The following TMPRSS11F variants were observed in gnomAD, a reference collection of about 807,000 sequenced individuals.
TMPRSS11F encodes transmembrane protease serine 11F.
A neutral mutation model predicts 60.2 loss-of-function variants in TMPRSS11F; 47 were observed. That is an observed-to-expected ratio of 0.78 (90% confidence interval 0.62 to 1.00). The LOEUF is 1.00. Ranked by LOEUF, TMPRSS11F falls within the 50% of genes least tolerant of loss-of-function variation. The pLI, the probability that TMPRSS11F is intolerant of heterozygous loss-of-function variation, is 0.00. For synonymous variants in TMPRSS11F, 166 were observed against 167.3 expected (o/e 0.99, Z 0.06); for missense variants, 519 against 522.9 (o/e 0.99, Z 0.07).
chr4:68,070,526 T>C (rs1723435290), intron 5 of TMPRSS11F, among the ~76,000 whole-genome samples: 2 of 152,222 alleles, frequency 1.3e-5, no homozygotes, highest in African/African-American at 4.8e-5. Flanking sequence ...TTGATAACCT[T>C]GTCTCCCTGA....
chr4:68,100,523 T>G (rs1054075907), intron 1 of TMPRSS11F, among the ~76,000 whole-genome samples: 1 of 152,118 alleles, frequency 6.6e-6, no homozygotes, highest in African/African-American at 2.4e-5. Flanking sequence ...GTTCTTGAAC[T>G]TTGTTGAATG....
At position 68,085,570 on chromosome 4, in the gene TMPRSS11F, T is replaced by C. The variant is rs116117797; in HGVS notation, c.282+4953A>G. On this transcript the variant is annotated intron_variant, in intron 3 of 9. Transcript: ENST00000356291. Reference sequence around the variant, plus strand: ...CATGACAGGAACAAAATATCATATATCAACACTAACTTAAATGTCAATGGT... The same window carrying C: ...CATGACAGGAACAAAATATCATATACCAACACTAACTTAAATGTCAATGGT... Among the ~76,000 whole-genome samples the C allele has an allele frequency of 5.0e-3, 755 of 152,206 alleles. 7 individuals are homozygous for C. The highest frequency in any genetic ancestry group is 0.018 in the African/African-American group (735 of 41,536).
chr4:68,061,765 T>C, intron 8 of TMPRSS11F: 1 of 438,108 alleles, frequency 2.3e-6, no homozygotes, highest in Non-Finnish European at 4.6e-6. Flanking sequence ...AATACAAGAA[T>C]ACAGGAAGTG....
intron 2 of TMPRSS11F, among the ~76,000 whole-genome samples, chr4:68,094,529 C>T (rs1049306528): frequency 1.4e-5 from 2 of 146,346 alleles, no homozygotes; most frequent in Non-Finnish European, 3.0e-5. Flanking sequence ...TGAACATGTA[C>T]CCTAAAACTT....
intron 7 of TMPRSS11F, among the ~76,000 whole-genome samples, chr4:68,065,464 C>T (rs761790082): frequency 3.9e-5 from 6 of 152,204 alleles, no homozygotes; most frequent in Admixed American, 2.0e-4. Context: ...CTAATCCTAA[C>T]TCAAAGTCAG....
At chr4:68,123,438 G>A (rs967253242) in intron 1 of TMPRSS11F, among the ~76,000 whole-genome samples, 1 of 152,166 alleles carries the variant, frequency 6.6e-6, no homozygotes, top group African/African-American at 2.4e-5. Flanking sequence ...GAAGGTACTC[G>A]TCTCAACCAT....
chr4:68,059,993 C>T (rs1339022273), intron 8 of TMPRSS11F, among the ~76,000 whole-genome samples: 1 of 152,082 alleles, frequency 6.6e-6, no homozygotes, highest in Non-Finnish European at 1.5e-5. Flanking sequence ...GATGACAACA[C>T]AGAACAGGGC....
chr4:68,118,969 G>A (rs2109887212), intron 1 of TMPRSS11F, among the ~76,000 whole-genome samples: 1 of 152,280 alleles, frequency 6.6e-6, no homozygotes, highest in East Asian at 1.9e-4. Context: ...AAGACAGGCT[G>A]AAAGCTAGGC....
intron 3 of TMPRSS11F, among the ~76,000 whole-genome samples, chr4:68,079,076 T>G (rs1250970816): frequency 1.3e-5 from 1 of 75,892 alleles, no homozygotes; most frequent in Non-Finnish European, 4.1e-5. Context: ...TCTGGTATAG[T>G]ACAATACTGG....
intron 1 of TMPRSS11F, among the ~76,000 whole-genome samples, chr4:68,124,818 C>A (rs1724685685): frequency 6.6e-6 from 1 of 152,010 alleles, no homozygotes; most frequent in Non-Finnish European, 1.5e-5. Context: ...CACTCCGTTT[C>A]GCACTGAGTT....
At chr4:68,107,744 C>T (rs1462376439) in intron 1 of TMPRSS11F, among the ~76,000 whole-genome samples, 3 of 152,148 alleles carry the variant, frequency 2.0e-5, no homozygotes, top group Non-Finnish European at 4.4e-5. Context: ...CAAGACCATC[C>T]TGGCCAACAT....
intron 1 of TMPRSS11F, among the ~76,000 whole-genome samples, chr4:68,119,755 A>C (rs139069897): frequency 6.6e-6 from 1 of 152,310 alleles, no homozygotes; most frequent in Non-Finnish European, 1.5e-5. Context: ...TCTGAAGGAG[A>C]TCAATGTTGT....
At chr4:68,066,934 A>C (rs1421509538) in intron 7 of TMPRSS11F, among the ~76,000 whole-genome samples, 1 of 129,260 alleles carries the variant, frequency 7.7e-6, no homozygotes, top group East Asian at 2.1e-4. Context: ...ACTTCATCTC[A>C]AAAAAAAAAA....
intron 1 of TMPRSS11F, among the ~76,000 whole-genome samples, chr4:68,123,665 G>C (rs1336792368): frequency 1.3e-5 from 2 of 152,138 alleles, no homozygotes; most frequent in African/African-American, 4.8e-5. Context: ...GACGATTATG[G>C]AAAATGAATG....
intron 2 of TMPRSS11F, among the ~76,000 whole-genome samples, chr4:68,091,070 A>C (rs1196280891): frequency 6.6e-6 from 1 of 152,198 alleles, no homozygotes; most frequent in African/African-American, 2.4e-5. Context: ...AGCTTACTTA[A>C]GTAGAAGTCC....
In TMPRSS11F at chr4:68,085,616, G is replaced by T. The variant is rs112353935; in HGVS notation, c.282+4907C>A. ...ATGGTCTAAATGTCCCATTTAAAAG[G>T]CATACAGTGGCAAGTTGGATAAAAA... On this transcript the variant is annotated intron_variant, in intron 3 of 9. Coordinates refer to ENST00000356291, the MANE Select transcript of TMPRSS11F (RefSeq NM_207407.2). Among the ~76,000 whole-genome samples the T allele has an allele frequency of 4.7e-3, 715 of 152,164 alleles. 8 individuals are homozygous for T. The highest frequency in any genetic ancestry group is 0.017 in the African/African-American group (695 of 41,520).
At chr4:68,075,031 A>G (rs1723555468) in intron 3 of TMPRSS11F, among the ~76,000 whole-genome samples, 1 of 152,258 alleles carries the variant, frequency 6.6e-6, no homozygotes, top group Non-Finnish European at 1.5e-5. Context: ...GAGAGTTATC[A>G]GTCGGAATAA....
chr4:68,063,926 C>G (rs568038009), intron 8 of TMPRSS11F, among the ~76,000 whole-genome samples: 2 of 152,166 alleles, frequency 1.3e-5, no homozygotes, highest in East Asian at 1.9e-4. Context: ...AAAAAGCTAT[C>G]ATTACATTTG....
At chr4:68,100,050 A>T (rs1352265483) in intron 1 of TMPRSS11F, among the ~76,000 whole-genome samples, 1 of 152,112 alleles carries the variant, frequency 6.6e-6, no homozygotes, top group Admixed American at 6.6e-5. Context: ...GGTCAAAAAA[A>T]AAAAAAGGAC....
Sources: allele counts gnomAD v4.1 joint callset (sites outside exome capture counted in the v4.1 genomes callset), GRCh38; gene constraint gnomAD v4.1.1; transcripts MANE v1.5; gene names NCBI Gene and HGNC (gene_info 2026-07-23, HGNC 2026-07-21).